RANGAP1: variants seen among roughly 807,000 people sequenced by gnomAD.
The protein encoded by RANGAP1 is ran GTPase-activating protein 1.
A neutral mutation model predicts 63.5 loss-of-function variants in RANGAP1; 38 were observed. That is an observed-to-expected ratio of 0.60 (90% confidence interval 0.46 to 0.78). The LOEUF (loss-of-function observed/expected upper bound fraction) is 0.78, where lower values mean the gene tolerates loss of function less well. Ranked by LOEUF, RANGAP1 falls within the 30% of genes least tolerant of loss-of-function variation. RANGAP1 has a pLI of 0.00. For synonymous variants in RANGAP1, 329 were observed against 310.5 expected (o/e 1.06, Z -0.63); for missense variants, 630 against 740.3 (o/e 0.85, Z 1.73).
Position 41,246,640 on chromosome 22 carries a change from G to A in RANGAP1, c.1727C>T (p.Ala576Val), listed in dbSNP as rs536877890. The A allele has an allele frequency of 1.9e-6, 3 of 1,564,928 alleles. No individual in the cohort carries two copies. The highest frequency in any genetic ancestry group is 1.9e-5 in the Admixed American group (1 of 52,596). ...PNSALESCSF[A>V]RHSLLQTLYK... ...CAGCGTCTGCAGCAGACTGTGGCGG[G>A]CGAAGGAGCAGGATTCCAGGGCGCT... The change falls in exon 16 of 16, where the codon GCC becomes GTC. Residue 576 changes from alanine to valine, a missense_variant. Physicochemically the swap from Ala to Val is moderately conservative, Grantham distance 64 (BLOSUM62 0). Transcript: ENST00000356244.
chr22:41,280,804 G>A, intron 2 of RANGAP1, 129 bp downstream of exon 2: 3 of 1,531,726 alleles, frequency 2.0e-6, no homozygotes, highest in Non-Finnish European at 2.6e-6. Context: ...TAGGCCCAAT[G>A]ATACCTCACA....
At chr22:41,273,337 A>G (rs928502702) in intron 3 of RANGAP1, among the ~76,000 whole-genome samples, 1 of 152,242 alleles carries the variant, frequency 6.6e-6, no homozygotes, top group Non-Finnish European at 1.5e-5. Context: ...CGCTTTGAAC[A>G]TGACACTCTT....
At chr22:41,276,634 C>T (rs1601698152) in intron 2 of RANGAP1, among the ~76,000 whole-genome samples, 1 of 151,176 alleles carries the variant, frequency 6.6e-6, no homozygotes, top group African/African-American at 2.4e-5. Context: ...AGCGAAACTC[C>T]GTTTCAAAAA....
chr22:41,254,530 C>T, intron 10 of RANGAP1, 36 bp from the exon 11 acceptor site: 2 of 1,546,072 alleles, frequency 1.3e-6, no homozygotes, highest in South Asian at 1.2e-5. Flanking sequence ...ATCCTCTCTA[C>T]CCAGCAGCCC....
intron 1 of RANGAP1, chr22:41,281,663 G>A (rs774547304): frequency 7.1e-6 from 7 of 985,692 alleles, no homozygotes; most frequent in Non-Finnish European, 7.2e-6. Flanking sequence ...TGGCCCCTCA[G>A]GGGTTTCTAG....
At chr22:41,264,535 T>G in intron 5 of RANGAP1, 129 bp downstream of exon 5, 2 of 1,201,834 alleles carry the variant, frequency 1.7e-6, no homozygotes, top group Non-Finnish European at 2.3e-6. Flanking sequence ...GCTGTTGCCT[T>G]TGAGGCCTTT....
At chr22:41,247,049 T>C (rs761835819) in intron 15 of RANGAP1, among the ~76,000 whole-genome samples, 2 of 152,172 alleles carry the variant, frequency 1.3e-5, no homozygotes, top group Non-Finnish European at 2.9e-5. Context: ...GTTGCTTTTT[T>C]TCTTTTTCTT....
At chr22:41,262,838 T>C (rs936163564) in intron 5 of RANGAP1, among the ~76,000 whole-genome samples, 1 of 151,268 alleles carries the variant, frequency 6.6e-6, no homozygotes, top group Non-Finnish European at 1.5e-5. Flanking sequence ...GTATGGAGAG[T>C]TCTCAAGCAC....
chr22:41,288,844 C>G (rs1193495509), upstream of RANGAP1, among the ~76,000 whole-genome samples: 1 of 150,880 alleles, frequency 6.6e-6, no homozygotes, highest in Admixed American at 6.6e-5. Context: ...AAGGTGTTCA[C>G]ATTCGAAGCT....
At chr22:41,247,320 G>A (rs560012513) in intron 15 of RANGAP1, among the ~76,000 whole-genome samples, 165 of 152,242 alleles carry the variant, frequency 1.1e-3, no homozygotes, top group African/African-American at 3.9e-3. Flanking sequence ...CTCCCAAAGT[G>A]CTGGGATTAT....
chr22:41,252,238 T>A (rs1245422655), intron 12 of RANGAP1, among the ~76,000 whole-genome samples: 2 of 151,548 alleles, frequency 1.3e-5, no homozygotes, highest in African/African-American at 4.9e-5. Flanking sequence ...GGAGGCAGAG[T>A]CTGCAGTGAG....
intron 12 of RANGAP1, among the ~76,000 whole-genome samples, chr22:41,252,238 T>TC (rs1416276168): frequency 6.6e-6 from 1 of 151,548 alleles, no homozygotes; most frequent in Non-Finnish European, 1.5e-5. Flanking sequence ...GGAGGCAGAG[T>TC]CTGCAGTGAG....
Position 41,249,734 on chromosome 22 carries a change from G to A in RANGAP1, c.1567C>T (p.Leu523Phe). 1 of 1,613,102 alleles carries A rather than the reference G, an allele frequency of 6.2e-7. No individual in the cohort carries two copies. The highest frequency in any genetic ancestry group is 8.5e-7 in the Non-Finnish European group (1 of 1,179,062). ...LTRLLVHMGL[L>F]KSEDKVKAIA... ...GCTGTTCCTTCCGGCCTCACCTTGA[G>A]CAGACCCATGTGCACGAGCAGCCTG... The change falls in exon 14 of 16, where the codon CTC becomes TTC. Residue 523 changes from leucine (L) to phenylalanine (F), a missense_variant. Coordinates refer to ENST00000356244, the MANE Select transcript of RANGAP1 (RefSeq NM_002883.4).
intron 14 of RANGAP1, 47 bp from the exon 15 acceptor site, chr22:41,249,498 G>A: frequency 4.1e-6 from 6 of 1,458,038 alleles, no homozygotes; most frequent in Non-Finnish European, 5.4e-6. Context: ...AAGTCACCTG[G>A]GGGGGCCCCT....
intron 3 of RANGAP1, among the ~76,000 whole-genome samples, chr22:41,269,855 A>G (rs540915146): frequency 6.6e-6 from 1 of 152,240 alleles, no homozygotes; most frequent in African/African-American, 2.4e-5. Context: ...TTTTTGAGAC[A>G]GAGTCTCACC....
chr22:41,256,251 C>A lies in RANGAP1; in HGVS notation c.928G>T (p.Ala310Ser), dbSNP rs770841374. The A allele has an allele frequency of 3.7e-6, 6 of 1,614,176 alleles. No individual in the cohort carries two copies. Among genetic ancestry groups the A allele is most frequent in the Non-Finnish European group, 5.1e-6 (6 of 1,180,026 alleles). ...LSFCEIKRDA[A>S]LAVAEAMADK... ...GCCATGGCCTCAGCAACAGCCAGGG[C>A]AGCATCCCTCTTGATTTCACAGAAT... is the stretch of plus-strand genomic sequence containing the variant. Residue 310 changes from alanine to serine, a missense_variant, in exon 9 of 16, where the codon GCC becomes TCC. Physicochemically the swap from Ala to Ser is moderately conservative, Grantham distance 99 (BLOSUM62 1). Around this residue, in one of 3 missense-constraint regions of RANGAP1, gnomAD observed 428 missense variants for 465.5 expected, o/e 0.92. Transcript: ENST00000356244.
intron 15 of RANGAP1, among the ~76,000 whole-genome samples, chr22:41,247,087 GCT>G (rs1250680210): frequency 6.6e-6 from 1 of 151,452 alleles, no homozygotes; most frequent in Admixed American, 6.6e-5. Context: ...ACGGAGTCTC[GCT>G]CTGTCACCCA....
intron 6 of RANGAP1, among the ~76,000 whole-genome samples, 179 bp from the exon 7 acceptor site, chr22:41,258,285 G>A (rs561100737): frequency 1.4e-3 from 220 of 152,366 alleles, no homozygotes; most frequent in African/African-American, 5.1e-3. Flanking sequence ...TCCTGAGGGA[G>A]GCCTACTGCC....
intron 8 of RANGAP1, 119 bp from the exon 9 acceptor site, chr22:41,256,409 A>G (rs2033837820): frequency 1.0e-6 from 1 of 970,852 alleles, no homozygotes; most frequent in East Asian, 2.5e-5. Flanking sequence ...CAGGTGGGGC[A>G]AAGTGGGCAG....
Sources: gnomAD v4.1 joint callset for allele counts (sites outside exome capture counted in the v4.1 genomes callset) on GRCh38, gnomAD v4.1.1 for gene constraint, gnomAD v4.1.1 regional missense constraint, MANE v1.5 for transcripts, NCBI Gene and HGNC (gene_info 2026-07-23, HGNC 2026-07-21) for gene names.